The following XPC variants were observed in gnomAD, a reference collection of about 807,000 sequenced individuals.
The protein encoded by XPC is DNA repair protein complementing XP-C cells.
In XPC, 76 loss-of-function variants were observed where a neutral mutation model predicts 95.8. That is an observed-to-expected ratio of 0.79 (90% confidence interval 0.66 to 0.96). The LOEUF is 0.96. Among genes scored for constraint, XPC ranks in the 40% least tolerant of loss-of-function variants. The pLI is 0.00. For synonymous variants in XPC, 442 were observed against 442.1 expected (o/e 1.00, Z 0.00); for missense variants, 1,146 against 1,179.8 (o/e 0.97, Z 0.42).
chr3:14,145,798 A>C lies in XPC; in HGVS notation c.*143T>G, dbSNP rs1574945920. On this transcript the variant is annotated 3_prime_UTR_variant, in exon 16 of 16. Transcript: ENST00000285021. The stretch of plus-strand genomic sequence containing the variant: ...CCTCAGCTTGGCCTCGTCTCCCCTG[A>C]CCCCGCCTCCGTGCATGCTGCCTCA... 2 of 1,044,794 alleles carry C rather than the reference A, an allele frequency of 1.9e-6. No individual in the cohort carries two copies. The highest frequency in any genetic ancestry group is 2.9e-6 in the Non-Finnish European group (2 of 697,876). 64.7% of individuals were successfully genotyped at this position (1,044,794 alleles called of 1,614,324 possible).
intron 13 of XPC, chr3:14,148,327 A>T: frequency 1.6e-6 from 1 of 640,838 alleles, no homozygotes; most frequent in Non-Finnish European, 2.6e-6. Context: ...GAGTCCCTAA[A>T]CCTGGGAAGA....
At chr3:14,176,378 C>A (rs1488068765) in intron 1 of XPC, among the ~76,000 whole-genome samples, 2 of 152,232 alleles carry the variant, frequency 1.3e-5, no homozygotes, top group African/African-American at 4.8e-5. Flanking sequence ...TCCCCGATCA[C>A]GCCAGTCAAA....
In XPC at chr3:14,155,443, T is replaced by G. The variant is rs373346943; in HGVS notation, c.2033+892A>C. On this transcript the variant is annotated intron_variant, in intron 10 of 15. Transcript: ENST00000285021. ...TCTTACCTCAAAATTGTATTAACAT[T>G]TTTCAATTTTAATTTTATATATATT... Among the ~76,000 whole-genome samples, 106 of 152,264 alleles carry G rather than the reference T, an allele frequency of 7.0e-4. 1 individual carries two copies. In the South Asian group the frequency reaches 0.02, roughly 29 times the overall value.
Position 14,145,651 on chromosome 3 carries a change from TA to T in XPC, c.*289del, listed in dbSNP as rs1695391601. On this transcript the variant is annotated 3_prime_UTR_variant, in exon 16 of 16. Transcript: ENST00000285021. Reference sequence around the variant, plus strand: ...AGAACAGGTCTAGGAGGCAGAAGAGTATCTCCTAGCAAAGTGTTCTGTAGCT... The same window carrying T: ...AGAACAGGTCTAGGAGGCAGAAGAGTTCTCCTAGCAAAGTGTTCTGTAGCT... 1 of 698,994 alleles carries T rather than the reference TA, an allele frequency of 1.4e-6. No homozygotes were observed. Among genetic ancestry groups the T allele is most frequent in the South Asian group, 1.5e-5 (1 of 66,660 alleles). 43.3% of individuals were successfully genotyped at this position (698,994 alleles called of 1,614,324 possible). A position where few individuals can be genotyped will look rare whatever the true frequency, so the allele number is the denominator to read the frequency against.
At chr3:14,160,386 A>G (rs2125029012) in intron 7 of XPC, among the ~76,000 whole-genome samples, 1 of 152,336 alleles carries the variant, frequency 6.6e-6, no homozygotes, top group Admixed American at 6.5e-5. Flanking sequence ...GTTAACTTGG[A>G]AGTCTGGGAG....
chr3:14,168,285 G>A lies in XPC; in HGVS notation c.508C>T (p.Pro170Ser). The change falls in exon 4 of 16, where the codon CCA becomes TCA. Residue 170 changes from proline (P) to serine (S), a missense_variant. Transcript: ENST00000285021. ...VKPVEIEIET[P>S]EQAKTRERSE... ...CTTTCTCTTGTCTTCGCCTGCTCTG[G>A]CGTTTCAATCTCTATCTCCACTGGC... 1 of 1,613,190 alleles carries A rather than the reference G, an allele frequency of 6.2e-7. No homozygotes were observed. Among genetic ancestry groups the A allele is most frequent in the Non-Finnish European group, 8.5e-7 (1 of 1,179,668 alleles).
rs569586862 is a variant in XPC, at chr3:14,168,186, A to G, written c.536+71T>C. On this transcript the variant is annotated intron_variant, in intron 4 of 15. Coordinates refer to ENST00000285021, the MANE Select transcript of XPC (RefSeq NM_004628.5). ...GTCCTGGTCCCCTACAAGTTTCTCC[A>G]AAGTCCTCCTAAGCAGCAGCTGTTG... is the stretch of plus-strand genomic sequence containing the variant. 5.3e-6 allele frequency: 8 copies of G among 1,513,808 alleles called. No homozygotes were observed. The African/African-American group carries it at 8.4e-5, about 16-fold the overall frequency. The allele number at this position is 1,513,808 out of a possible 1,614,324, so 93.8% of individuals were successfully genotyped here. A position where few individuals can be genotyped will look rare whatever the true frequency, so the allele number is the denominator to read the frequency against.
rs749104732 is a variant in XPC, at chr3:14,156,471, G to C, written c.1897C>G (p.Pro633Ala). 9 of 1,613,908 alleles carry C rather than the reference G, an allele frequency of 5.6e-6. No homozygotes were observed. Among genetic ancestry groups the C allele is most frequent in the Non-Finnish European group, 6.8e-6 (8 of 1,179,886 alleles). ...LEFQAKHMDQ[P>A]LPTAIGLYKN... Reference sequence around the variant, plus strand: ...TATAAGCCAATGGCAGTGGGCAAAGGCTGGTCCATGTGTTTAGCCTGAAAC... The same window carrying C: ...TATAAGCCAATGGCAGTGGGCAAAGCCTGGTCCATGTGTTTAGCCTGAAAC... Residue 633 changes from proline to alanine, a missense_variant, in exon 10 of 16, where the codon CCT (proline) becomes GCT (alanine). Transcript: ENST00000285021.
intron 1 of XPC, among the ~76,000 whole-genome samples, chr3:14,175,552 A>T (rs374956445): frequency 6.6e-6 from 1 of 152,168 alleles, no homozygotes; most frequent in East Asian, 1.9e-4. Context: ...TACCTGGAAC[A>T]GTGTGTGAAA....
intron 11 of XPC, 120 bp from the exon 12 acceptor site, chr3:14,149,068 C>T (rs1017117222): frequency 1.4e-6 from 2 of 1,416,988 alleles, no homozygotes; most frequent in Admixed American, 4.4e-5. Flanking sequence ...ACACACCTAC[C>T]AGCTGGGGTG....
chr3:14,170,388 A>G (rs952641058), intron 3 of XPC, 50 bp downstream of exon 3: 3 of 1,580,492 alleles, frequency 1.9e-6, no homozygotes, highest in Non-Finnish European at 8.7e-7. Flanking sequence ...GAATCAAACA[A>G]AAAAACAAAC....
At chr3:14,170,184 A>C (rs1295888515) in intron 3 of XPC, among the ~76,000 whole-genome samples, 1 of 152,246 alleles carries the variant, frequency 6.6e-6, no homozygotes, top group African/African-American at 2.4e-5. Context: ...TCCTTCTCCT[A>C]AATAGTGCTG....
At chr3:14,157,437 T>C (rs1695962223) in intron 9 of XPC, among the ~76,000 whole-genome samples, 1 of 152,172 alleles carries the variant, frequency 6.6e-6, no homozygotes, top group Non-Finnish European at 1.5e-5. Context: ...TCGGGCACTA[T>C]TCCTGGTGTC....
intron 9 of XPC, 70 bp from the exon 10 acceptor site, chr3:14,156,565 C>A: frequency 6.2e-7 from 1 of 1,604,020 alleles, no homozygotes; most frequent in Non-Finnish European, 8.5e-7. Flanking sequence ...GGGAGATGAT[C>A]CTTAGACTAA....
At position 14,158,344 on chromosome 3, in the gene XPC, C is replaced by A; in HGVS notation, c.1539G>T (p.Met513Ile). Residue 513 changes from methionine to isoleucine, a missense_variant, in exon 9 of 16, where the codon ATG becomes ATT. Met to Ile is a conservative substitution (Grantham distance 10). Coordinates refer to ENST00000285021, the MANE Select transcript of XPC (RefSeq NM_004628.5). The surrounding 1 kb of genome is among the most constrained non-coding windows in gnomAD (Gnocchi z 5.2). ...TTTCTGCCTTCTCACCATCGCTGCA[C>A]ATTTTCTTGCCTCTTTTACTGCTTG... ...SSSSSKRGKK[M>I]CSDGEKAEKR... 6.2e-7 allele frequency: 1 copy of A among 1,613,980 alleles called. No homozygotes were observed. Among genetic ancestry groups the A allele is most frequent in the South Asian group, 1.1e-5 (1 of 91,088 alleles).
rs745468301 is a variant in XPC at position 14,147,255 on chromosome 3, T to C, written c.2604+35A>G. On this transcript the variant is annotated intron_variant, in intron 15 of 15. Coordinates refer to ENST00000285021, the MANE Select transcript of XPC (RefSeq NM_004628.5). The stretch of plus-strand genomic sequence containing the variant: ...AGCTGCATCTCCAAGAAACTGACCC[T>C]GAGCTTGTCTTCTCTGCAAAGAACC... 3.2e-6 allele frequency: 5 copies of C among 1,581,558 alleles called. No individual in the cohort carries two copies. The East Asian group carries it at 9.2e-5, about 29-fold the overall frequency.
rs56267823 is a variant in XPC, at chr3:14,158,603, C to A, written c.1280G>T (p.Arg427Met). ...PHGRERRVASRVSYKEESGSD... is the reference protein window; with the variant it reads ...PHGRERRVASMVSYKEESGSD... ...CCCACTCTCCTCTTTATAAGACACC[C>A]TGGAGGCCACCCGCCGCTCCCGGCC... is the stretch of plus-strand genomic sequence containing the variant. Residue 427 changes from arginine to methionine, a missense_variant, in exon 9 of 16, where the codon AGG becomes ATG. Coordinates refer to ENST00000285021, the MANE Select transcript of XPC (RefSeq NM_004628.5). The surrounding 1 kb of genome is among the most constrained non-coding windows in gnomAD (Gnocchi z 5.2). 7 of 1,613,682 alleles carry A rather than the reference C, an allele frequency of 4.3e-6. No homozygotes were observed. In the African/African-American group the frequency reaches 5.3e-5, roughly 12 times the overall value.
chr3:14,147,318 T>C lies in XPC; in HGVS notation c.2576A>G (p.Glu859Gly). 6.2e-7 allele frequency: 1 copy of C among 1,612,020 alleles called. No individual in the cohort carries two copies. Among genetic ancestry groups the C allele is most frequent in the Non-Finnish European group, 8.5e-7 (1 of 1,179,206 alleles). ...KLLAKGLLIR[E>G]RLKRRYGPKS... ...GGGCCCGTAGCGACGCTTCAGCCTC[T>C]CCCTGATGAGCAGACCTTTGGCCAG... The change falls in exon 15 of 16, where the codon GAG becomes GGG. Residue 859 changes from glutamate to glycine, a missense_variant. By Grantham distance (98) the Glu-to-Gly change is moderately conservative. Coordinates refer to ENST00000285021, the MANE Select transcript of XPC (RefSeq NM_004628.5).
At chr3:14,148,370 A>G in intron 13 of XPC, 192 bp downstream of exon 13, 2 of 763,570 alleles carry the variant, frequency 2.6e-6, no homozygotes, top group Non-Finnish European at 4.1e-6. Context: ...TGCCAGTTTC[A>G]TTGGCTCCGT....
Sources: gnomAD v4.1 joint callset for allele counts (sites outside exome capture counted in the v4.1 genomes callset) on GRCh38, gnomAD v4.1.1 for gene constraint, Gnocchi (gnomAD v3.1) non-coding constraint, MANE v1.5 for transcripts, NCBI Gene and HGNC (gene_info 2026-07-23, HGNC 2026-07-21) for gene names.